Variants in MEI4 observed in about 807,000 individuals in gnomAD.
The protein encoded by MEI4 is meiotic double-stranded break formation protein 4.
In MEI4, 27 loss-of-function variants were observed where a neutral mutation model predicts 31.4. The observed-to-expected ratio is 0.86, with a 90% CI of 0.63 to 1.19. The LOEUF (loss-of-function observed/expected upper bound fraction) is 1.19. MEI4 is among the 50% of genes most tolerant of loss of function. MEI4 has a pLI of 0.00. For synonymous variants in MEI4, 122 were observed against 145.4 expected (o/e 0.84, Z 1.16); for missense variants, 329 against 398.9 (o/e 0.82, Z 1.49).
chr6:77,746,727 A>T lies in MEI4; in HGVS notation c.233-14403A>T, dbSNP rs150253616. Among the ~76,000 whole-genome samples the T allele has an allele frequency of 6.6e-5, 10 of 152,012 alleles. No homozygotes were observed. The East Asian group carries it at 1.9e-3, about 29-fold the overall frequency. The stretch of plus-strand genomic sequence containing the variant: ...TCTGAAAAACCCTAATAAAGGTGTC[A>T]AAGTTAGAATCAGGATAACATAGTG... On this transcript the variant is annotated intron_variant, in intron 2 of 4. Transcript: ENST00000684080.
intron 2 of MEI4, among the ~76,000 whole-genome samples, chr6:77,748,792 T>A (rs1767683093): frequency 6.6e-6 from 1 of 152,226 alleles, no homozygotes; most frequent in African/African-American, 2.4e-5. Context: ...CTTTGAAATT[T>A]CTTCATATAG....
At chr6:77,856,363 G>T (rs912706474) in intron 4 of MEI4, among the ~76,000 whole-genome samples, 2 of 151,918 alleles carry the variant, frequency 1.3e-5, no homozygotes, top group Non-Finnish European at 2.9e-5. Flanking sequence ...CTAAACTCAG[G>T]TGCCTATCTA....
Position 77,853,279 on chromosome 6 carries a change from A to C in MEI4, c.900+24217A>C, listed in dbSNP as rs181770103. ...TACCTAGAGCATTGTGCCCTAGTGC[A>C]TTATAGCTCATAGATTTACAGAACA... On this transcript the variant is annotated intron_variant, in intron 4 of 4. Coordinates refer to ENST00000684080, the MANE Select transcript of MEI4 (RefSeq NM_001322247.2). Among the ~76,000 whole-genome samples the C allele has an allele frequency of 2.3e-3, 348 of 152,326 alleles. 3 individuals carry two copies. Among genetic ancestry groups the C allele is most frequent in the African/African-American group, 7.6e-3 (315 of 41,574 alleles).
At chr6:77,835,373 A>AAC (rs149668655) in intron 4 of MEI4, among the ~76,000 whole-genome samples, 4,126 of 96,726 alleles carry the variant, frequency 0.043, 85 homozygotes, top group Middle Eastern at 0.069. Context: ...AACAAAACAA[A>AAC]ACACACACAC....
chr6:77,662,048 G>A (rs1445977660), intron 1 of MEI4, among the ~76,000 whole-genome samples: 1 of 152,224 alleles, frequency 6.6e-6, no homozygotes, highest in Admixed American at 6.5e-5. Flanking sequence ...GGACCCTTGT[G>A]TAGTGAGGAA....
intron 1 of MEI4, among the ~76,000 whole-genome samples, chr6:77,690,238 G>T (rs555898663): frequency 6.6e-6 from 1 of 152,050 alleles, no homozygotes; most frequent in African/African-American, 2.4e-5. Flanking sequence ...ATAATTTAAT[G>T]GTTCTGGTTA....
chr6:77,657,200 AT>A (rs1356094274), intron 1 of MEI4, among the ~76,000 whole-genome samples: 5 of 152,220 alleles, frequency 3.3e-5, no homozygotes, highest in Non-Finnish European at 7.3e-5. Context: ...TTAATTATTA[AT>A]GTGCTTACCT....
rs1171042681 is a variant in MEI4 at position 77,808,858 on chromosome 6, A to AG, written c.769-20071dup. 3.9e-5 allele frequency among the ~76,000 whole-genome samples: 6 copies of AG among 152,180 alleles called. No individual in the cohort carries two copies. In the East Asian group the frequency reaches 1.2e-3, roughly 29 times the overall value. ...TTCCTGGAGCTAGAATGGTTTTTCA[A>AG]GGCTGTCCTAAGTTGGGCCGGGACA... On this transcript the variant is annotated intron_variant, in intron 3 of 4. Transcript: ENST00000684080.
chr6:77,810,412 C>A (rs1322918681), intron 3 of MEI4, among the ~76,000 whole-genome samples: 1 of 152,102 alleles, frequency 6.6e-6, no homozygotes, highest in Non-Finnish European at 1.5e-5. Context: ...AGACACTGAT[C>A]TCTAGGCCAG....
chr6:77,868,020 A>T (rs1372399608), intron 4 of MEI4, among the ~76,000 whole-genome samples: 1 of 151,248 alleles, frequency 6.6e-6, no homozygotes, highest in Non-Finnish European at 1.5e-5. Context: ...TTGAACAATG[A>T]GAACACATGG....
intron 2 of MEI4, among the ~76,000 whole-genome samples, chr6:77,701,946 A>G (rs761585745): frequency 3.3e-5 from 5 of 152,080 alleles, no homozygotes; most frequent in Non-Finnish European, 7.4e-5. Flanking sequence ...CTGATCCTCT[A>G]GCTCACATTG....
At chr6:77,660,585 G>A (rs1490469903) in intron 1 of MEI4, among the ~76,000 whole-genome samples, 1 of 152,034 alleles carries the variant, frequency 6.6e-6, no homozygotes, top group East Asian at 1.9e-4. Flanking sequence ...TGGTGGGGGT[G>A]ACTTCGTAAA....
chr6:77,658,200 C>T (rs1450629640), intron 1 of MEI4, among the ~76,000 whole-genome samples: 1 of 151,858 alleles, frequency 6.6e-6, no homozygotes, highest in Non-Finnish European at 1.5e-5. Flanking sequence ...GTTTTGCGGG[C>T]AGGGGGTGGG....
At chr6:77,670,421 C>T (rs1431433188) in intron 1 of MEI4, among the ~76,000 whole-genome samples, 1 of 152,090 alleles carries the variant, frequency 6.6e-6, no homozygotes, top group African/African-American at 2.4e-5. Context: ...CAGACTGAAC[C>T]ATAACATCTA....
chr6:77,724,729 G>A lies in MEI4; in HGVS notation c.232+33826G>A, dbSNP rs1401906211. Among the ~76,000 whole-genome samples the A allele has an allele frequency of 4.0e-5, 6 of 148,670 alleles. No homozygotes were observed. The East Asian group carries it at 6.0e-4, about 15-fold the overall frequency. ...CCTGCTGGAAGAGGACTTGTGCCTC[G>A]TGGTTTAGACTCTGATGGCCCCACT... On this transcript the variant is annotated intron_variant, in intron 2 of 4. Transcript: ENST00000684080.
intron 4 of MEI4, among the ~76,000 whole-genome samples, chr6:77,892,289 C>T (rs949020094): frequency 6.6e-6 from 1 of 152,166 alleles, no homozygotes; most frequent in Admixed American, 6.6e-5. Flanking sequence ...CTGTTGAGTG[C>T]TGCCAGTGGT....
chr6:77,777,198 GA>G (rs1163791615), intron 3 of MEI4, among the ~76,000 whole-genome samples: 1 of 152,122 alleles, frequency 6.6e-6, no homozygotes, highest in Non-Finnish European at 1.5e-5. Flanking sequence ...AAAACTATTG[GA>G]AGTTAGAAAG....
chr6:77,923,053 C>G (rs4598029), intron 4 of MEI4, 36 bp from the exon 5 acceptor site: 824,037 of 1,207,990 alleles, frequency 0.68, 284,549 homozygotes, highest in East Asian at 0.97. Context: ...GTAATTTATA[C>G]CCAATTTTTT....
intron 4 of MEI4, among the ~76,000 whole-genome samples, chr6:77,912,609 A>G (rs760889018): frequency 6.6e-6 from 1 of 151,974 alleles, no homozygotes; most frequent in South Asian, 2.1e-4. Flanking sequence ...TATCTTTCTC[A>G]ATAAGTTGGT....
Sources: allele counts gnomAD v4.1 joint callset (sites outside exome capture counted in the v4.1 genomes callset), GRCh38; gene constraint gnomAD v4.1.1; transcripts MANE v1.5; gene names NCBI Gene and HGNC (gene_info 2026-07-23, HGNC 2026-07-21).